BTNL2: variants seen among roughly 807,000 people sequenced by gnomAD.
BTNL2 encodes butyrophilin like 2.
Under a neutral mutation model 46.8 loss-of-function variants are expected in BTNL2, and 46 were observed. The observed-to-expected ratio is 0.98, with a 90% CI of 0.78 to 1.26. BTNL2 has a LOEUF of 1.26. Ranked by LOEUF, BTNL2 falls within the 50% of genes most tolerant of loss-of-function variation. The pLI, the probability that BTNL2 is intolerant of heterozygous loss-of-function variation, is 0.00. For missense variants in BTNL2, 461 were observed against 592.6 expected (o/e 0.78, Z 2.31); for synonymous variants, 226 against 229.1 (o/e 0.99, Z 0.12).
intron 4 of BTNL2, among the ~76,000 whole-genome samples, chr6:32,398,155 C>A (rs199719181): frequency 0.18 from 27,011 of 151,910 alleles, 2,674 homozygotes; most frequent in East Asian, 0.21. Context: ...CTGCCCGTGC[C>A]ATTTTTTCTC....
Position 32,402,922 on chromosome 6 carries a change from G to T in BTNL2, c.709+13C>A, listed in dbSNP as rs770355521. The T allele has an allele frequency of 6.2e-7, 1 of 1,610,840 alleles. No individual in the cohort carries two copies. Among genetic ancestry groups the T allele is most frequent in the South Asian group, 1.1e-5 (1 of 90,964 alleles). ...TGATCTGAGCATGTGGGTCCTAGAG[G>T]CAGAGCACTGACCTGGGAGGCTGAT... On this transcript the variant is annotated intron_variant, in intron 3 of 7. Coordinates refer to ENST00000454136, the MANE Select transcript of BTNL2 (RefSeq NM_001304561.2).
At chr6:32,403,353 TC>T in intron 2 of BTNL2, 137 bp from the exon 3 acceptor site, 2 of 904,098 alleles carry the variant, frequency 2.2e-6, no homozygotes, top group Non-Finnish European at 3.3e-6. Flanking sequence ...GACCTCAGTC[TC>T]CCCATTCAAA....
intron 3 of BTNL2, 23 bp from the exon 4 acceptor site, chr6:32,401,828 A>T: frequency 6.2e-7 from 1 of 1,605,260 alleles, no homozygotes; most frequent in Non-Finnish European, 8.5e-7. Flanking sequence ...CAAGAATAAC[A>T]TATTAAGGAA....
Position 32,398,916 on chromosome 6 carries a change from C to T in BTNL2, c.731-2530G>A, listed in dbSNP as rs559652615. ...GCTCCTTGGGAGCCACTATGCCTAA[C>T]CCACTTTTTTTTTCTTTCAATTTTA... is the stretch of plus-strand genomic sequence containing the variant. On this transcript the variant is annotated intron_variant, in intron 4 of 7. Transcript: ENST00000454136. Among the ~76,000 whole-genome samples the T allele has an allele frequency of 8.5e-5, 12 of 142,000 alleles. No homozygotes were observed. In the South Asian group the frequency reaches 2.8e-3, roughly 34 times the overall value. The allele number at this position is 142,000 out of a possible 152,430, so 93.2% of individuals were successfully genotyped here. A position where few individuals can be genotyped will look rare whatever the true frequency, so the allele number is the denominator to read the frequency against.
At chr6:32,395,100 A>G in intron 5 of BTNL2, 75 bp from the exon 6 acceptor site, 1 of 1,456,680 alleles carries the variant, frequency 6.9e-7, no homozygotes, top group Non-Finnish European at 9.2e-7. Flanking sequence ...CTGGGAGGAA[A>G]GAAGGGGATG....
chr6:32,405,119 C>T lies in BTNL2; in HGVS notation c.247G>A (p.Val83Met). The T allele has an allele frequency of 6.2e-7, 1 of 1,613,068 alleles. No homozygotes were observed. Among genetic ancestry groups the T allele is most frequent in the East Asian group, 2.2e-5 (1 of 44,882 alleles). The change falls in exon 2 of 8, where the codon GTG (valine) becomes ATG (methionine). Residue 83 changes from valine to methionine, a missense_variant. Physicochemically the swap from Val to Met is conservative, Grantham distance 21 (BLOSUM62 1). Coordinates refer to ENST00000454136, the MANE Select transcript of BTNL2 (RefSeq NM_001304561.2). ...PVFVHRDGVE[V>M]TEMQMEEYRG... ...TACTCCTCCATCTGCATCTCAGTCA[C>T]CTCCACTCCATCCCTGTGCACAAAC...
rs1342397593 is a variant in BTNL2, at chr6:32,396,099, G to T, written c.1018C>A (p.Arg340Ser). ...ACATCATCTTTTTCAAAAAGGCAGC[G>T]GTACTGCCCGTCGTCCGAAGGTCTG... ...SARPSDDGQY[R>S]CLFEKDDVYQ... Residue 340 changes from arginine (R) to serine (S), a missense_variant, in exon 5 of 8, where the codon CGC becomes AGC. Transcript: ENST00000454136. The surrounding 1 kb of genome is among the most constrained non-coding windows in gnomAD (Gnocchi z 4.4). 6.2e-7 allele frequency: 1 copy of T among 1,613,062 alleles called. No individual in the cohort carries two copies. The highest frequency in any genetic ancestry group is 1.6e-4 in the Middle Eastern group (1 of 6,062).
chr6:32,402,100 C>T (rs117542413), intron 3 of BTNL2, among the ~76,000 whole-genome samples: 2,665 of 152,178 alleles, frequency 0.018, 73 homozygotes, highest in East Asian at 0.11. Context: ...ACATATGTTC[C>T]TTTTATAGAT....
intron 1 of BTNL2, 131 bp from the exon 2 acceptor site, chr6:32,405,417 A>AGC: frequency 1.1e-6 from 1 of 887,122 alleles, no homozygotes; most frequent in Non-Finnish European, 1.8e-6. Flanking sequence ...GTTTTAGAGA[A>AGC]ATCCAGCATG....
At chr6:32,400,904 C>G in intron 4 of BTNL2, among the ~76,000 whole-genome samples, 1 of 127,664 alleles carries the variant, frequency 7.8e-6, no homozygotes, top group South Asian at 2.6e-4. Context: ...CAGAGCGAGA[C>G]TCCGTCTCAA....
rs2294882 is a variant in BTNL2 at position 32,399,738 on chromosome 6, T to C, written c.730+2047A>G. Among the ~76,000 whole-genome samples, 29,789 of 152,154 alleles carry C rather than the reference T, an allele frequency of 0.2. 3,206 individuals carry two copies. The highest frequency in any genetic ancestry group is 0.32 in the East Asian group (1,678 of 5,184). On this transcript the variant is annotated intron_variant, in intron 4 of 7. Coordinates refer to ENST00000454136, the MANE Select transcript of BTNL2 (RefSeq NM_001304561.2). The surrounding 1 kb of genome is among the most constrained non-coding windows in gnomAD (Gnocchi z 5.2). ...AAAAAATGAAATAATTCCCATAACATATTCAGCATCGTGCCTGGCATACAA... is the reference window on the plus strand; with the variant it reads ...AAAAAATGAAATAATTCCCATAACACATTCAGCATCGTGCCTGGCATACAA...
At chr6:32,400,315 G>A in intron 4 of BTNL2, among the ~76,000 whole-genome samples, 1 of 152,098 alleles carries the variant, frequency 6.6e-6, no homozygotes, top group Non-Finnish European at 1.5e-5. Context: ...TCTTTTGTGG[G>A]CTGAAAGGTG....
chr6:32,395,037 A>G lies in BTNL2; in HGVS notation c.1079-12T>C, dbSNP rs768634025. Reference sequence around the variant, plus strand: ...GGAAGAACCCAGACCTGGGGCAGAGAAAGCAACCAAAGCCTGGGGTCCTTT... The same window carrying G: ...GGAAGAACCCAGACCTGGGGCAGAGGAAGCAACCAAAGCCTGGGGTCCTTT... On this transcript the variant is annotated splice_polypyrimidine_tract_variant and intron_variant, in intron 5 of 7. Coordinates refer to ENST00000454136, the MANE Select transcript of BTNL2 (RefSeq NM_001304561.2). 1.6e-5 allele frequency: 25 copies of G among 1,541,830 alleles called. No individual in the cohort carries two copies. The highest frequency in any genetic ancestry group is 1.9e-5 in the Non-Finnish European group (22 of 1,143,346).
At chr6:32,395,937 G>T in intron 5 of BTNL2, 102 bp downstream of exon 5, 3 of 917,260 alleles carry the variant, frequency 3.3e-6, no homozygotes, top group Non-Finnish European at 4.9e-6. Flanking sequence ...TGATGAATAA[G>T]CATTAAGAAA....
In BTNL2 at chr6:32,407,017, A is replaced by C. The variant is rs755136428; in HGVS notation, c.79+28T>G. 6 of 1,603,174 alleles carry C rather than the reference A, an allele frequency of 3.7e-6. No homozygotes were observed. The East Asian group carries it at 1.3e-4, about 36-fold the overall frequency. On this transcript the variant is annotated intron_variant, in intron 1 of 7. Transcript: ENST00000454136. ...GACTAGCTCACTGGGACATTAGACTATACAGTAAAGGGAGAAGGGAATCCT... is the reference window on the plus strand; with the variant it reads ...GACTAGCTCACTGGGACATTAGACTCTACAGTAAAGGGAGAAGGGAATCCT...
intron 2 of BTNL2, chr6:32,403,596 CTGGT>C (rs140128970): frequency 0.091 from 17,290 of 190,290 alleles, 989 homozygotes; most frequent in East Asian, 0.16. Context: ...GGCACATTGT[CTGGT>C]ATTTTAGATG....
chr6:32,402,459 T>C (rs1776843375), intron 3 of BTNL2, among the ~76,000 whole-genome samples: 1 of 152,150 alleles, frequency 6.6e-6, no homozygotes. Flanking sequence ...ATTAATGCTA[T>C]AATGTATAGT....
At chr6:32,398,978 T>G (rs765617820) in intron 4 of BTNL2, among the ~76,000 whole-genome samples, 3 of 152,194 alleles carry the variant, frequency 2.0e-5, no homozygotes, top group Non-Finnish European at 4.4e-5. Context: ...GCAGGTTTGT[T>G]ACATAGGTAA....
At chr6:32,402,651 A>C (rs1776852358) in intron 3 of BTNL2, among the ~76,000 whole-genome samples, 1 of 152,254 alleles carries the variant, frequency 6.6e-6, no homozygotes, top group Admixed American at 6.5e-5. Context: ...TTTCAGTTGA[A>C]GAAATATAGC....
Sources: gnomAD v4.1 joint callset for allele counts (sites outside exome capture counted in the v4.1 genomes callset) on GRCh38, gnomAD v4.1.1 for gene constraint, Gnocchi (gnomAD v3.1) non-coding constraint, MANE v1.5 for transcripts, NCBI Gene and HGNC (gene_info 2026-07-23, HGNC 2026-07-21) for gene names.